LRMDA: variants seen among roughly 807,000 people sequenced by gnomAD.
The protein encoded by LRMDA is leucine-rich melanocyte differentiation-associated protein.
A neutral mutation model predicts 29.8 loss-of-function variants in LRMDA; 18 were observed. The ratio of observed to expected loss-of-function variants is 0.60; its 90% CI spans 0.42 to 0.90. The LOEUF (loss-of-function observed/expected upper bound fraction) is 0.90, where lower values mean the gene tolerates loss of function less well. LRMDA is among the 40% of genes least tolerant of loss of function. LRMDA has a pLI of 0.00. For synonymous variants in LRMDA, 125 were observed against 109.4 expected (o/e 1.14, Z -0.89); for missense variants, 273 against 273.9 (o/e 1.00, Z 0.02).
At chr10:76,385,386 C>G (rs968226857) in intron 6 of LRMDA, among the ~76,000 whole-genome samples, 7 of 152,174 alleles carry the variant, frequency 4.6e-5, no homozygotes, top group African/African-American at 1.7e-4. Context: ...GCGTTGTTTA[C>G]AGAATGCCTC....
chr10:76,079,533 G>A (rs1046153433), intron 5 of LRMDA, among the ~76,000 whole-genome samples: 11 of 152,282 alleles, frequency 7.2e-5, no homozygotes, highest in Non-Finnish European at 1.6e-4. Flanking sequence ...CATTGAGTTG[G>A]AGGCAGTTTG....
intron 6 of LRMDA, among the ~76,000 whole-genome samples, chr10:76,350,788 ATTT>A (rs970377227): frequency 6.6e-5 from 10 of 152,110 alleles, no homozygotes; most frequent in Admixed American, 6.6e-4. Context: ...TTGCTACATA[ATTT>A]TTTATTTCTT....
intron 2 of LRMDA, among the ~76,000 whole-genome samples, chr10:75,833,227 C>A (rs1401471884): frequency 6.6e-6 from 1 of 152,170 alleles, no homozygotes; most frequent in East Asian, 1.9e-4. Flanking sequence ...TCTGGCATAT[C>A]ATGGATCACC....
intron 6 of LRMDA, among the ~76,000 whole-genome samples, chr10:76,332,111 A>G (rs1341671634): frequency 6.6e-6 from 1 of 152,146 alleles, no homozygotes; most frequent in East Asian, 1.9e-4. Context: ...CTCTGTACAG[A>G]GCCGGGCTGG....
chr10:76,066,348 A>C (rs561415038), intron 5 of LRMDA, among the ~76,000 whole-genome samples: 2 of 152,222 alleles, frequency 1.3e-5, no homozygotes, highest in Non-Finnish European at 2.9e-5. Flanking sequence ...TCTGCTAGCT[A>C]TTGTACCAGC....
intron 5 of LRMDA, among the ~76,000 whole-genome samples, chr10:76,133,897 G>A (rs1320021888): frequency 6.6e-6 from 1 of 152,144 alleles, no homozygotes; most frequent in Non-Finnish European, 1.5e-5. Context: ...AAAGTTGTTG[G>A]GTGCCCACAG....
At chr10:75,638,062 A>C (rs1218782427) in intron 2 of LRMDA, among the ~76,000 whole-genome samples, 2 of 152,164 alleles carry the variant, frequency 1.3e-5, no homozygotes, top group Middle Eastern at 3.4e-3. Context: ...CTTTATTTTA[A>C]CCTTTGAAAC....
chr10:75,837,706 A>G (rs1844464496), intron 2 of LRMDA, among the ~76,000 whole-genome samples: 1 of 152,150 alleles, frequency 6.6e-6, no homozygotes, highest in Non-Finnish European at 1.5e-5. Context: ...TGTCTGTATC[A>G]AAATATCTTG....
intron 1 of LRMDA, among the ~76,000 whole-genome samples, chr10:75,432,416 G>A (rs539046744): frequency 7.9e-5 from 12 of 152,334 alleles, no homozygotes; most frequent in African/African-American, 2.9e-4. Flanking sequence ...TCAATCCTGG[G>A]TGCCAGACAC....
chr10:76,545,526 T>C (rs1425778185), intron 6 of LRMDA, among the ~76,000 whole-genome samples: 2 of 152,060 alleles, frequency 1.3e-5, no homozygotes, highest in African/African-American at 2.4e-5. Flanking sequence ...TTCAGATCTA[T>C]TCTACATATC....
rs186205873 is a variant in LRMDA, at chr10:76,477,925, G to A, written c.602-79284G>A. ...ATCAAGATGGATTAAAGAGTTAAAT[G>A]TTAGACCTAAAACCATAAAAACCCT... is the stretch of plus-strand genomic sequence containing the variant. On this transcript the variant is annotated intron_variant, in intron 6 of 6. Coordinates refer to ENST00000611255, the MANE Select transcript of LRMDA (RefSeq NM_001305581.2). Among the ~76,000 whole-genome samples the A allele has an allele frequency of 4.6e-5, 7 of 152,238 alleles. No individual in the cohort carries two copies. The East Asian group carries it at 1.4e-3, about 29-fold the overall frequency.
intron 5 of LRMDA, among the ~76,000 whole-genome samples, chr10:76,214,004 G>A (rs566876344): frequency 2.0e-3 from 308 of 152,312 alleles, no homozygotes; most frequent in Middle Eastern, 3.4e-3. Context: ...TCAGGGCCTG[G>A]ATTCCAGCTG....
chr10:75,436,694 C>T (rs749492386), intron 1 of LRMDA, among the ~76,000 whole-genome samples: 2 of 152,042 alleles, frequency 1.3e-5, no homozygotes, highest in Non-Finnish European at 2.9e-5. Flanking sequence ...TGGTGTCGAT[C>T]CCCTGACCTC....
intron 2 of LRMDA, among the ~76,000 whole-genome samples, chr10:75,852,616 C>G (rs1171056558): frequency 6.6e-6 from 1 of 151,998 alleles, no homozygotes; most frequent in East Asian, 1.9e-4. Flanking sequence ...AGATGTGATC[C>G]TGGATTGTTA....
intron 2 of LRMDA, among the ~76,000 whole-genome samples, chr10:75,839,361 T>G (rs1844495416): frequency 6.6e-6 from 1 of 152,186 alleles, no homozygotes; most frequent in African/African-American, 2.4e-5. Context: ...GATCCTTTCT[T>G]TTTATTTAAT....
chr10:76,484,321 A>G (rs992934104), intron 6 of LRMDA, among the ~76,000 whole-genome samples: 7 of 151,788 alleles, frequency 4.6e-5, no homozygotes, highest in Non-Finnish European at 1.0e-4. Context: ...GCCTTTCTAT[A>G]GAAATCTTAA....
intron 2 of LRMDA, among the ~76,000 whole-genome samples, chr10:75,645,804 G>C (rs991524460): frequency 2.0e-5 from 3 of 152,122 alleles, no homozygotes; most frequent in African/African-American, 4.8e-5. Context: ...ACTTACAAGA[G>C]AGTCTCCACT....
At chr10:75,873,099 G>T (rs767336300) in intron 2 of LRMDA, among the ~76,000 whole-genome samples, 6 of 151,988 alleles carry the variant, frequency 3.9e-5, no homozygotes, top group Non-Finnish European at 8.8e-5. Flanking sequence ...TTTCATTTTG[G>T]TAATGGAAGA....
intron 2 of LRMDA, among the ~76,000 whole-genome samples, chr10:75,966,853 G>C (rs1275434077): frequency 9.2e-5 from 14 of 152,174 alleles, no homozygotes; most frequent in Non-Finnish European, 1.8e-4. Flanking sequence ...GCCCTGCGAG[G>C]CTATTATGAG....
Sources: allele counts gnomAD v4.1 joint callset (sites outside exome capture counted in the v4.1 genomes callset), GRCh38; gene constraint gnomAD v4.1.1; transcripts MANE v1.5; gene names NCBI Gene and HGNC (gene_info 2026-07-23, HGNC 2026-07-21).